Variants in ATF7 observed in about 807,000 individuals in gnomAD.
ATF7 encodes cyclic AMP-dependent transcription factor ATF-7.
Under a neutral mutation model 50.4 loss-of-function variants are expected in ATF7, and 10 were observed. The ratio of observed to expected loss-of-function variants is 0.20; its 90% confidence interval spans 0.12 to 0.34. The LOEUF (loss-of-function observed/expected upper bound fraction) is 0.34, where lower values mean the gene tolerates loss of function less well. ATF7 is among the 10% of genes least tolerant of loss of function. The pLI, the probability that ATF7 is intolerant of heterozygous loss-of-function variation, is 1.00. For missense variants in ATF7, 465 were observed against 613.9 expected (o/e 0.76, Z 2.56); for synonymous variants, 201 against 226.4 (o/e 0.89, Z 1.01).
At chr12:53,585,041 T>C (rs975860950) in intron 2 of ATF7, among the ~76,000 whole-genome samples, 8 of 152,206 alleles carry the variant, frequency 5.3e-5, no homozygotes, top group African/African-American at 1.9e-4. Flanking sequence ...GGCACAATCA[T>C]GGCTCACTGC....
intron 3 of ATF7, among the ~76,000 whole-genome samples, chr12:53,551,492 G>A (rs1940349679): frequency 6.6e-6 from 1 of 152,152 alleles, no homozygotes; most frequent in African/African-American, 2.4e-5. Context: ...GATCATTGAC[G>A]ACAATGTTCC....
At chr12:53,560,042 C>T (rs1397960445) in intron 2 of ATF7, among the ~76,000 whole-genome samples, 1 of 152,070 alleles carries the variant, frequency 6.6e-6, no homozygotes, top group Non-Finnish European at 1.5e-5. Flanking sequence ...TCTGCCTCAG[C>T]CTCCCAAGTA....
chr12:53,562,485 T>A (rs868223046), intron 2 of ATF7, among the ~76,000 whole-genome samples: 4 of 151,706 alleles, frequency 2.6e-5, no homozygotes, highest in Non-Finnish European at 5.9e-5. Flanking sequence ...ACTTAAAAAA[T>A]ACAAAAAATT....
intron 2 of ATF7, chr12:53,600,721 T>C: frequency 4.4e-6 from 2 of 451,796 alleles, no homozygotes; most frequent in South Asian, 5.7e-5. Flanking sequence ...CCATACTGTG[T>C]GGTGGGAAAC....
chr12:53,565,777 G>A (rs549896930), intron 2 of ATF7, among the ~76,000 whole-genome samples: 1 of 152,144 alleles, frequency 6.6e-6, no homozygotes, highest in Non-Finnish European at 1.5e-5. Context: ...ACAGGTGTGA[G>A]CCCCTGTGCC....
intron 7 of ATF7, 110 bp downstream of exon 7, chr12:53,533,050 T>C (rs1938999732): frequency 4.1e-6 from 4 of 968,378 alleles, no homozygotes; most frequent in Non-Finnish European, 6.3e-6. Flanking sequence ...TCAGCTAATA[T>C]AGATCAGAGC....
Position 53,517,646 on chromosome 12 carries a change from T to C in ATF7, c.1235-292A>G. 3 of 412,876 alleles carry C rather than the reference T, an allele frequency of 7.3e-6. No homozygotes were observed. The South Asian group carries it at 8.0e-5, about 11-fold the overall frequency. The allele number at this position is 412,876 out of a possible 1,614,324, so 25.6% of individuals were successfully genotyped here. ...GTTTCTAGGTCTTTGCATAGTTCAT[T>C]ACCAACTCTTATTATTATTCATTAC... On this transcript the variant is annotated intron_variant, in intron 11 of 11. Transcript: ENST00000420353.
intron 1 of ATF7, among the ~76,000 whole-genome samples, chr12:53,601,370 C>A (rs1169491701): frequency 6.6e-6 from 1 of 152,116 alleles, no homozygotes; most frequent in Non-Finnish European, 1.5e-5. Flanking sequence ...ACGCTCGATG[C>A]GGAAGCCATA....
intron 2 of ATF7, among the ~76,000 whole-genome samples, chr12:53,570,740 T>C (rs924128914): frequency 1.8e-4 from 7 of 38,032 alleles, no homozygotes; most frequent in Middle Eastern, 0.011. Flanking sequence ...TGTGTGCGTG[T>C]GTGTGTGTGT....
chr12:53,582,595 T>A (rs1942483784), intron 2 of ATF7, among the ~76,000 whole-genome samples: 1 of 152,206 alleles, frequency 6.6e-6, no homozygotes, highest in African/African-American at 2.4e-5. Flanking sequence ...TTTATTTATT[T>A]TGAGACGGAG....
intron 2 of ATF7, among the ~76,000 whole-genome samples, chr12:53,571,421 A>G (rs1457112154): frequency 6.6e-6 from 1 of 152,196 alleles, no homozygotes; most frequent in South Asian, 2.1e-4. Flanking sequence ...TTCTAAGAGC[A>G]GCAGAGGAGC....
Position 53,563,598 on chromosome 12 carries a change from C to T in ATF7, c.49-10961G>A, listed in dbSNP as rs191931795. 9.2e-5 allele frequency among the ~76,000 whole-genome samples: 14 copies of T among 152,346 alleles called. No individual in the cohort carries two copies. The South Asian group carries it at 1.4e-3, about 16-fold the overall frequency. On this transcript the variant is annotated intron_variant, in intron 2 of 11. Coordinates refer to ENST00000420353, the MANE Select transcript of ATF7 (RefSeq NM_006856.3). Reference sequence around the variant, plus strand: ...TGCCATCGCACTCCAGCCTGGGCAACAGAACAAGGATGTCTCAAACAAAGT... The same window carrying T: ...TGCCATCGCACTCCAGCCTGGGCAATAGAACAAGGATGTCTCAAACAAAGT...
chr12:53,591,908 C>G (rs186541534), intron 2 of ATF7, among the ~76,000 whole-genome samples: 3 of 152,330 alleles, frequency 2.0e-5, no homozygotes, highest in Admixed American at 6.5e-5. Flanking sequence ...TTTCCCCGCA[C>G]AGCCACTCAA....
intron 2 of ATF7, among the ~76,000 whole-genome samples, chr12:53,571,349 T>C (rs1470834034): frequency 6.6e-6 from 1 of 152,148 alleles, no homozygotes; most frequent in Non-Finnish European, 1.5e-5. Flanking sequence ...TAATTTGTTA[T>C]AACGCCTACA....
chr12:53,618,810 G>C (rs149938912), intron 1 of ATF7, among the ~76,000 whole-genome samples: 1 of 152,218 alleles, frequency 6.6e-6, no homozygotes, highest in East Asian at 1.9e-4. Context: ...CCAGCACTTT[G>C]GGACGCTGAG....
chr12:53,587,439 C>T (rs918903382), intron 2 of ATF7, among the ~76,000 whole-genome samples: 3 of 147,830 alleles, frequency 2.0e-5, no homozygotes, highest in African/African-American at 5.0e-5. Flanking sequence ...CTGAGATGGG[C>T]GGATCACTTG....
At chr12:53,539,079 A>G (rs1036132686) in intron 4 of ATF7, among the ~76,000 whole-genome samples, 2 of 152,188 alleles carry the variant, frequency 1.3e-5, no homozygotes, top group Non-Finnish European at 2.9e-5. Context: ...AGACTCTTCC[A>G]CTGAGCCTGT....
At chr12:53,532,751 T>A in intron 7 of ATF7, 128 bp from the exon 8 acceptor site, 2 of 655,112 alleles carry the variant, frequency 3.1e-6, no homozygotes, top group Non-Finnish European at 5.2e-6. Flanking sequence ...AATGTGCCCA[T>A]AGGGCGTGCA....
Position 53,546,101 on chromosome 12 carries a change from C to T in ATF7, c.146-2653G>A, listed in dbSNP as rs1175955862. ...CAGCTACTTGGGAGGCTGAGGCAGG[C>T]GAATTGCTTGAACCTGGGAGGCAGA... is the stretch of plus-strand genomic sequence containing the variant. On this transcript the variant is annotated intron_variant, in intron 3 of 11. Coordinates refer to ENST00000420353, the MANE Select transcript of ATF7 (RefSeq NM_006856.3). Among the ~76,000 whole-genome samples the T allele has an allele frequency of 7.2e-5, 11 of 152,010 alleles. No homozygotes were observed. In the East Asian group the frequency reaches 1.9e-3, roughly 27 times the overall value.
Sources: gnomAD v4.1 joint callset for allele counts (sites outside exome capture counted in the v4.1 genomes callset) on GRCh38, gnomAD v4.1.1 for gene constraint, MANE v1.5 for transcripts, NCBI Gene and HGNC (gene_info 2026-07-23, HGNC 2026-07-21) for gene names.